Variants in TRMT9B observed in about 807,000 individuals in gnomAD.
TRMT9B encodes the protein probable tRNA methyltransferase 9B.
A neutral mutation model predicts 11.5 loss-of-function variants in TRMT9B; 16 were observed. The ratio of observed to expected loss-of-function variants is 1.39; its 90% CI spans 0.94 to 2.11. The LOEUF is 2.11. TRMT9B is among the 30% of genes most tolerant of loss of function. TRMT9B has a pLI of 0.00. For missense variants in TRMT9B, 941 were observed against 553.8 expected, an observed-to-expected ratio of 1.70 and a Z score of -7.02; for synonymous variants, 274 against 192.4, an observed-to-expected ratio of 1.42 and a Z score of -3.51.
chr8:13,019,664 G>T (rs1813440140), intron 4 of TRMT9B, among the ~76,000 whole-genome samples: 1 of 152,178 alleles, frequency 6.6e-6, no homozygotes, highest in South Asian at 2.1e-4. Context: ...GTCTTTCTCA[G>T]TCCTGACTGC....
chr8:13,005,895 T>C (rs1216514204), intron 2 of TRMT9B, among the ~76,000 whole-genome samples: 2 of 152,246 alleles, frequency 1.3e-5, no homozygotes. Flanking sequence ...AACCATTTGG[T>C]AAGAATTTTG....
chr8:12,978,285 G>A (rs946277435), intron 1 of TRMT9B, among the ~76,000 whole-genome samples: 4 of 152,030 alleles, frequency 2.6e-5, no homozygotes, highest in Admixed American at 6.6e-5. Context: ...TGGCATTATC[G>A]ATCAGCCCAA....
intron 2 of TRMT9B, among the ~76,000 whole-genome samples, chr8:12,994,845 C>G (rs1358738520): frequency 6.6e-6 from 1 of 152,110 alleles, no homozygotes; most frequent in Non-Finnish European, 1.5e-5. Context: ...CCATGCCCGG[C>G]TAATGTTTGT....
At chr8:12,997,935 C>A (rs536222577) in intron 2 of TRMT9B, among the ~76,000 whole-genome samples, 2 of 152,232 alleles carry the variant, frequency 1.3e-5, no homozygotes, top group East Asian at 1.9e-4. Context: ...TTCCATTTTA[C>A]CCATTCTTTT....
At position 12,998,076 on chromosome 8, in the gene TRMT9B, T is replaced by G. The variant is rs150850278; in HGVS notation, c.-2+7045T>G. ...AGTGTCTGTTAAAGTCTCTCGCCCA[T>G]TTTTCAATTGTGTTGTCTTCTATTA... is the stretch of plus-strand genomic sequence containing the variant. On this transcript the variant is annotated intron_variant, in intron 2 of 4. Coordinates refer to ENST00000524591, the MANE Select transcript of TRMT9B (RefSeq NM_020844.3). 3.3e-3 allele frequency among the ~76,000 whole-genome samples: 496 copies of G among 152,314 alleles called. 1 individual carries two copies. The highest frequency in any genetic ancestry group is 0.01 in the Middle Eastern group (3 of 294).
Position 13,027,924 on chromosome 8 carries a change from A to G in TRMT9B, c.*5880A>G, listed in dbSNP as rs924501809. The G allele has an allele frequency of 1.3e-4, 21 of 167,184 alleles. No homozygotes were observed. Among genetic ancestry groups the G allele is most frequent in the Middle Eastern group, 3.4e-3 (1 of 296 alleles). The allele number at this position is 167,184 out of a possible 1,614,324, so 10.4% of individuals were successfully genotyped here. ...TGATTGTTTTGATAGTATAAACTCC[A>G]TATCTGCAACCTCAGTTATCTACAA... On this transcript the variant is annotated 3_prime_UTR_variant, in exon 5 of 5. Transcript: ENST00000524591.
chr8:12,984,716 G>T (rs1212230151), intron 1 of TRMT9B, among the ~76,000 whole-genome samples: 1 of 152,050 alleles, frequency 6.6e-6, no homozygotes, highest in Non-Finnish European at 1.5e-5. Context: ...CAATGCCTAG[G>T]GGAAGCCGGG....
chr8:13,021,116 AAAAGAACC>A lies in TRMT9B; in HGVS notation c.438_445del (p.Lys147SerfsTer3), dbSNP rs764735228. ...ATGATTTACGTTTGGGCAATGGAAC[AAAAGAACC>A]GTCACTTTGAGAAGCAAGACGTGCT... On this transcript the variant is annotated frameshift_variant, in exon 5 of 5. Coordinates refer to ENST00000524591, the MANE Select transcript of TRMT9B (RefSeq NM_020844.3). LOFTEE classifies it low-confidence loss of function (END_TRUNC). 6.2e-7 allele frequency: 1 copy of A among 1,612,848 alleles called. No homozygotes were observed. Among genetic ancestry groups the A allele is most frequent in the East Asian group, 2.2e-5 (1 of 44,882 alleles).
Position 13,029,133 on chromosome 8 carries a change from A to T in TRMT9B, c.*7089A>T, listed in dbSNP as rs921588766. 6.0e-6 allele frequency: 1 copy of T among 167,050 alleles called. No homozygotes were observed. Among genetic ancestry groups the T allele is most frequent in the African/African-American group, 2.4e-5 (1 of 41,450 alleles). The allele number at this position is 167,050 out of a possible 1,614,324, so 10.3% of individuals were successfully genotyped here. ...AAGTAGTTCTTTTGTGCACGCGTGA[A>T]TACATCAAATTAGCAATTACCATAG... On this transcript the variant is annotated 3_prime_UTR_variant, in exon 5 of 5. Coordinates refer to ENST00000524591, the MANE Select transcript of TRMT9B (RefSeq NM_020844.3).
chr8:12,974,756 C>T (rs548912839), intron 1 of TRMT9B, among the ~76,000 whole-genome samples: 10 of 152,204 alleles, frequency 6.6e-5, no homozygotes, highest in African/African-American at 1.9e-4. Flanking sequence ...GGACAGGAGG[C>T]GGGACAGCAG....
At chr8:13,002,805 C>G (rs926107789) in intron 2 of TRMT9B, among the ~76,000 whole-genome samples, 5 of 152,122 alleles carry the variant, frequency 3.3e-5, no homozygotes, top group African/African-American at 1.2e-4. Context: ...AGGGAAGACA[C>G]CGTCTTACCC....
intron 3 of TRMT9B, chr8:13,012,227 T>A: frequency 1.0e-6 from 1 of 985,600 alleles, no homozygotes; most frequent in Non-Finnish European, 1.2e-6. Flanking sequence ...GGCTTTTCTT[T>A]TGCTTTTGTG....
chr8:13,006,171 G>A, intron 2 of TRMT9B, 31 bp from the exon 3 acceptor site: 1 of 1,609,590 alleles, frequency 6.2e-7, no homozygotes, highest in Non-Finnish European at 8.5e-7. Flanking sequence ...AGGCTGACCT[G>A]CATGCCTTGG....
intron 1 of TRMT9B, among the ~76,000 whole-genome samples, chr8:12,969,272 T>A (rs1803253358): frequency 1.3e-5 from 2 of 152,132 alleles, no homozygotes; most frequent in Admixed American, 1.3e-4. Context: ...CAGGTTTCCA[T>A]CCATCCTAGT....
chr8:12,949,880 A>AGGTT (rs530968881), intron 1 of TRMT9B, among the ~76,000 whole-genome samples: 65 of 152,098 alleles, frequency 4.3e-4, no homozygotes, highest in Non-Finnish European at 7.9e-4. Flanking sequence ...ATTTTGAGAT[A>AGGTT]GGTTCTCTGT....
chr8:12,970,774 C>G (rs1002813421), intron 1 of TRMT9B, among the ~76,000 whole-genome samples: 2 of 152,072 alleles, frequency 1.3e-5, no homozygotes, highest in Non-Finnish European at 2.9e-5. Context: ...TTTTGGCTTC[C>G]TGTCACTCAC....
intron 2 of TRMT9B, among the ~76,000 whole-genome samples, chr8:13,004,592 G>A (rs1810074494): frequency 6.6e-6 from 1 of 151,994 alleles, no homozygotes; most frequent in South Asian, 2.1e-4. Context: ...GTCTTGAAGG[G>A]AAGGACCTAG....
At position 12,990,950 on chromosome 8, in the gene TRMT9B, C is replaced by G. The variant is rs1034503368; in HGVS notation, c.-83C>G. ...TACACATTGAGAAAGTTATGAGAAGCAACTGTCACTCTCTGGAGGTGGAGA... is the reference window on the plus strand; with the variant it reads ...TACACATTGAGAAAGTTATGAGAAGGAACTGTCACTCTCTGGAGGTGGAGA... On this transcript the variant is annotated 5_prime_UTR_variant, in exon 2 of 5. Coordinates refer to ENST00000524591, the MANE Select transcript of TRMT9B (RefSeq NM_020844.3). 1.6e-6 allele frequency: 2 copies of G among 1,288,884 alleles called. No homozygotes were observed. The highest frequency in any genetic ancestry group is 1.5e-5 in the African/African-American group (1 of 65,836). The allele number at this position is 1,288,884 out of a possible 1,614,324, so 79.8% of individuals were successfully genotyped here. A position where few individuals can be genotyped will look rare whatever the true frequency, so the allele number is the denominator to read the frequency against.
At position 12,990,868 on chromosome 8, in the gene TRMT9B, T is replaced by A. The variant is rs1297684861; in HGVS notation, c.-165T>A. 1.6e-6 allele frequency: 2 copies of A among 1,289,168 alleles called. No individual in the cohort carries two copies. Among genetic ancestry groups the A allele is most frequent in the East Asian group, 5.6e-5 (1 of 18,004 alleles). The allele number at this position is 1,289,168 out of a possible 1,614,324, so 79.9% of individuals were successfully genotyped here. On this transcript the variant is annotated 5_prime_UTR_variant, in exon 2 of 5. Coordinates refer to ENST00000524591, the MANE Select transcript of TRMT9B (RefSeq NM_020844.3). ...TTCCTTCAGAGACTCACACAAGAGGTTTATCATGAGAAGGACCGCACTATT... is the reference window on the plus strand; with the variant it reads ...TTCCTTCAGAGACTCACACAAGAGGATTATCATGAGAAGGACCGCACTATT...
Sources: gnomAD v4.1 joint callset for allele counts (sites outside exome capture counted in the v4.1 genomes callset) on GRCh38, gnomAD v4.1.1 for gene constraint, MANE v1.5 for transcripts, NCBI Gene and HGNC (gene_info 2026-07-23, HGNC 2026-07-21) for gene names.